PPP2R2C: variants seen among roughly 807,000 people sequenced by gnomAD.
The protein encoded by PPP2R2C is protein phosphatase 2, regulatory subunit B, gamma.
In PPP2R2C, 10 loss-of-function variants were observed where a neutral mutation model predicts 45.3. The ratio of observed to expected loss-of-function variants is 0.22; its 90% CI spans 0.14 to 0.37. The LOEUF (loss-of-function observed/expected upper bound fraction) is 0.37. Ranked by LOEUF, PPP2R2C falls within the 10% of genes least tolerant of loss-of-function variation. The pLI is 1.00. For missense variants in PPP2R2C, 308 were observed against 619.7 expected, an observed-to-expected ratio of 0.50 and a Z score of 5.34; for synonymous variants, 257 against 245.4, an observed-to-expected ratio of 1.05 and a Z score of -0.44.
At chr4:6,449,981 C>A (rs1008728566) in intron 1 of PPP2R2C, among the ~76,000 whole-genome samples, 1 of 152,216 alleles carries the variant, frequency 6.6e-6, no homozygotes, top group African/African-American at 2.4e-5. Context: ...GCTGCCGAGC[C>A]CCATTTTTCT....
intron 2 of PPP2R2C, among the ~76,000 whole-genome samples, chr4:6,503,204 G>A (rs1026510893): frequency 2.0e-5 from 3 of 152,012 alleles, no homozygotes; most frequent in East Asian, 3.9e-4. Context: ...AGCACTCCTC[G>A]GACCTCATGA....
chr4:6,370,214 C>A (rs1274217615), intron 5 of PPP2R2C, among the ~76,000 whole-genome samples: 2 of 152,230 alleles, frequency 1.3e-5, no homozygotes, highest in African/African-American at 4.8e-5. Context: ...TGGCTCTGCC[C>A]CTGCCAACTG....
chr4:6,365,124 C>T lies in PPP2R2C; in HGVS notation c.625+7399G>A, dbSNP rs538648774. ...ACCCATACAACTGTACTCGCAGGCC[C>T]TGGCAGAGACCCTGTCTGCTTCCCT... is the stretch of plus-strand genomic sequence containing the variant. On this transcript the variant is annotated intron_variant, in intron 5 of 8. Transcript: ENST00000382599. 3.3e-5 allele frequency among the ~76,000 whole-genome samples: 5 copies of T among 152,340 alleles called. No individual in the cohort carries two copies. In the South Asian group the frequency reaches 1.0e-3, roughly 32 times the overall value.
intron 1 of PPP2R2C, among the ~76,000 whole-genome samples, chr4:6,447,134 C>A (rs530804566): frequency 7.9e-5 from 12 of 152,196 alleles, no homozygotes; most frequent in African/African-American, 2.9e-4. Flanking sequence ...CCCTGGGGAG[C>A]TGGCCTGGCT....
rs770960380 is a variant in PPP2R2C, at chr4:6,323,456, C to A, written c.1190G>T (p.Gly397Val). 1.9e-5 allele frequency: 31 copies of A among 1,613,044 alleles called. No individual in the cohort carries two copies. Among genetic ancestry groups the A allele is most frequent in the African/African-American group, 2.7e-5 (2 of 74,928 alleles). Residue 397 changes from glycine (G) to valine (V), a missense_variant, in exon 9 of 9, where the codon GGC becomes GTC. Coordinates refer to ENST00000382599, the MANE Select transcript of PPP2R2C (RefSeq NM_020416.4). ...VLKPRRVCVGGKRRRDDISVD... is the reference protein window; with the variant it reads ...VLKPRRVCVGVKRRRDDISVD... ...ACTGATGTCATCACGCCGGCGCTTG[C>A]CCCCCACGCACACGCGCCGTGGCTT...
At chr4:6,443,776 C>A (rs534841999) in intron 1 of PPP2R2C, among the ~76,000 whole-genome samples, 3 of 152,020 alleles carry the variant, frequency 2.0e-5, no homozygotes, top group Admixed American at 2.0e-4. Flanking sequence ...CCCACCCCAC[C>A]GCCCCCCCGG....
At chr4:6,351,008 T>C (rs1712501258) in intron 5 of PPP2R2C, 10 of 985,154 alleles carry the variant, frequency 1.0e-5, no homozygotes, top group Non-Finnish European at 1.1e-5. Flanking sequence ...TCAGAACTTT[T>C]CAAAGTATGT....
chr4:6,541,004 G>C (rs544962410), intron 1 of PPP2R2C, among the ~76,000 whole-genome samples: 1 of 152,300 alleles, frequency 6.6e-6, no homozygotes, highest in East Asian at 1.9e-4. Context: ...GTGTCCTCAA[G>C]TCACTTCATG....
At chr4:6,344,382 G>A (rs1027813371) in intron 6 of PPP2R2C, among the ~76,000 whole-genome samples, 3 of 152,212 alleles carry the variant, frequency 2.0e-5, no homozygotes, top group Admixed American at 1.3e-4. Flanking sequence ...ATGAAATTAC[G>A]TGGCTGAAAT....
At chr4:6,497,439 C>T (rs1170881294) in intron 2 of PPP2R2C, among the ~76,000 whole-genome samples, 1 of 151,742 alleles carries the variant, frequency 6.6e-6, no homozygotes, top group Middle Eastern at 3.2e-3. Flanking sequence ...ACCATTTACT[C>T]GGTGGTGCTG....
At position 6,408,763 on chromosome 4, in the gene PPP2R2C, C is replaced by T. The variant is rs187631368; in HGVS notation, c.71-27669G>A. 3.7e-4 allele frequency among the ~76,000 whole-genome samples: 56 copies of T among 150,846 alleles called. No homozygotes were observed. The East Asian group carries it at 0.01, about 28-fold the overall frequency. Reference sequence around the variant, plus strand: ...GGGGCACCCTGAGAAACTCCAAGGGCGGAGGATGCAGAGGCAGTGGGTAGA... The same window carrying T: ...GGGGCACCCTGAGAAACTCCAAGGGTGGAGGATGCAGAGGCAGTGGGTAGA... On this transcript the variant is annotated intron_variant, in intron 1 of 8. Transcript: ENST00000382599.
At chr4:6,422,396 A>G (rs1161698394) in intron 1 of PPP2R2C, among the ~76,000 whole-genome samples, 2 of 152,260 alleles carry the variant, frequency 1.3e-5, no homozygotes, top group African/African-American at 4.8e-5. Context: ...TCTGAGCCTC[A>G]GCGTCCTCAT....
chr4:6,426,060 C>A (rs1333163286), intron 1 of PPP2R2C, among the ~76,000 whole-genome samples: 1 of 152,172 alleles, frequency 6.6e-6, no homozygotes, highest in Non-Finnish European at 1.5e-5. Context: ...ATCCAAGGAG[C>A]AGGTGGGCTG....
chr4:6,384,579 T>C (rs1716090469), intron 1 of PPP2R2C: 1 of 984,442 alleles, frequency 1.0e-6, no homozygotes, highest in Non-Finnish European at 1.2e-6. Flanking sequence ...ACACACAGTG[T>C]ATATTATTTT....
intron 1 of PPP2R2C, among the ~76,000 whole-genome samples, chr4:6,440,186 C>A (rs1720084447): frequency 6.6e-6 from 1 of 152,216 alleles, no homozygotes; most frequent in African/African-American, 2.4e-5. Flanking sequence ...TCTCTAGATC[C>A]CCAAGGCCTG....
chr4:6,462,715 T>G (rs1721391297), intron 1 of PPP2R2C, among the ~76,000 whole-genome samples: 1 of 152,090 alleles, frequency 6.6e-6, no homozygotes, highest in African/African-American at 2.4e-5. Flanking sequence ...TTTTGTGAGG[T>G]GGGATAACAG....
At chr4:6,381,305 C>T in intron 1 of PPP2R2C, 1 of 1,524,986 alleles carries the variant, frequency 6.6e-7, no homozygotes, top group Non-Finnish European at 8.8e-7. Flanking sequence ...GCACTGGCTG[C>T]AGGGCAGAGA....
chr4:6,444,611 G>A (rs951712449), intron 1 of PPP2R2C, among the ~76,000 whole-genome samples: 9 of 152,304 alleles, frequency 5.9e-5, no homozygotes, highest in African/African-American at 2.2e-4. Context: ...TTCAAAGACA[G>A]TAACTCTGCA....
intron 5 of PPP2R2C, chr4:6,350,816 C>T (rs373277162): frequency 3.6e-5 from 35 of 985,256 alleles, no homozygotes; most frequent in African/African-American, 5.2e-5. Flanking sequence ...CTGTTCCCTC[C>T]GCAATGAGAT....
Sources: gnomAD v4.1 joint callset for allele counts (sites outside exome capture counted in the v4.1 genomes callset) on GRCh38, gnomAD v4.1.1 for gene constraint, MANE v1.5 for transcripts, NCBI Gene and HGNC (gene_info 2026-07-23, HGNC 2026-07-21) for gene names.